PCDHGA6: variants seen among roughly 807,000 people sequenced by gnomAD.
PCDHGA6 encodes the protein protocadherin gamma-A6.
In PCDHGA6, 41 loss-of-function variants were observed where a neutral mutation model predicts 60.6. That is an observed-to-expected ratio of 0.68 (90% CI 0.53 to 0.88). The LOEUF (loss-of-function observed/expected upper bound fraction) is 0.88, where lower values mean the gene tolerates loss of function less well. PCDHGA6 is among the 40% of genes least tolerant of loss of function. The pLI, the probability that PCDHGA6 is intolerant of heterozygous loss-of-function variation, is 0.00. For synonymous variants in PCDHGA6, 594 were observed against 524.4 expected (o/e 1.13, Z -1.81); for missense variants, 1,312 against 1,203.0 (o/e 1.09, Z -1.34).
chr5:141,394,557 G>A (rs372165481), intron 1 of PCDHGA6: 23 of 1,613,964 alleles, frequency 1.4e-5, no homozygotes, highest in South Asian at 4.4e-5. Context: ...GCCCCGCTCC[G>A]CAGAGCGTGG....
intron 1 of PCDHGA6, chr5:141,418,790 G>A (rs1434374059): frequency 2.5e-6 from 4 of 1,613,758 alleles, no homozygotes; most frequent in Admixed American, 3.3e-5. Flanking sequence ...GGATTTTGAA[G>A]AAGTAGAAAG....
chr5:141,508,269 C>T (rs1459186158), intron 3 of PCDHGA6: 1 of 152,186 alleles, frequency 6.6e-6, no homozygotes, highest in East Asian at 1.9e-4. Flanking sequence ...GAGAAAATCC[C>T]GGTCCTTGAC....
At chr5:141,443,547 T>C (rs1210940890) in intron 1 of PCDHGA6, among the ~76,000 whole-genome samples, 2 of 152,192 alleles carry the variant, frequency 1.3e-5, no homozygotes, top group Non-Finnish European at 2.9e-5. Context: ...TGGGAAATTG[T>C]TCCAATTCAA....
chr5:141,432,126 C>T lies in PCDHGA6; in HGVS notation c.2424+55619C>T. ...AACCCGCCGGTCTTCCCTCAGGCCTCCTATTCCGCTTATATCCCAGAGAAC... is the reference window on the plus strand; with the variant it reads ...AACCCGCCGGTCTTCCCTCAGGCCTTCTATTCCGCTTATATCCCAGAGAAC... On this transcript the variant is annotated intron_variant, in intron 1 of 3. Coordinates refer to ENST00000517434, the MANE Select transcript of PCDHGA6 (RefSeq NM_018919.3). This position sits in a 1 kb window ranked among gnomAD's most constrained non-coding sequence, Gnocchi z 6.0. The T allele has an allele frequency of 1.2e-6, 2 of 1,614,144 alleles. No homozygotes were observed. Among genetic ancestry groups the T allele is most frequent in the Non-Finnish European group, 1.7e-6 (2 of 1,180,028 alleles).
intron 1 of PCDHGA6, among the ~76,000 whole-genome samples, chr5:141,471,883 C>T (rs951573411): frequency 6.6e-6 from 1 of 152,084 alleles, no homozygotes; most frequent in Non-Finnish European, 1.5e-5. Flanking sequence ...GAGGCTGAAG[C>T]TAGGAAGATT....
At chr5:141,402,398 ATTG>A (rs1159125909) in intron 1 of PCDHGA6, among the ~76,000 whole-genome samples, 19 of 152,216 alleles carry the variant, frequency 1.2e-4, no homozygotes, top group African/African-American at 4.6e-4. Context: ...ACTTCAGAAA[ATTG>A]TTAAGATACA....
At chr5:141,502,891 C>G (rs2099816930) in intron 2 of PCDHGA6, among the ~76,000 whole-genome samples, 1 of 117,990 alleles carries the variant, frequency 8.5e-6, no homozygotes, top group African/African-American at 3.4e-5. Context: ...GACAGGGAGT[C>G]TAGCTCTGTT....
At chr5:141,383,695 G>A (rs373055594) in intron 1 of PCDHGA6, 5 of 1,613,974 alleles carry the variant, frequency 3.1e-6, no homozygotes, top group Non-Finnish European at 3.4e-6. Flanking sequence ...CACGGTACAT[G>A]CTATCGACCT....
intron 1 of PCDHGA6, chr5:141,398,647 C>T: frequency 6.2e-7 from 1 of 1,614,070 alleles, no homozygotes; most frequent in Non-Finnish European, 8.5e-7. Context: ...TAAACTCTCT[C>T]TTAACCCAAG....
intron 1 of PCDHGA6, chr5:141,398,743 A>G: frequency 6.2e-7 from 1 of 1,613,864 alleles, no homozygotes; most frequent in Non-Finnish European, 8.5e-7. Flanking sequence ...GGAACAACAG[A>G]GTTACCATCG....
At chr5:141,442,294 C>A (rs1194203452) in intron 1 of PCDHGA6, 1 of 152,584 alleles carries the variant, frequency 6.6e-6, no homozygotes, top group Admixed American at 6.5e-5. Context: ...ATGATCCTGT[C>A]TGAGTCTTTC....
intron 1 of PCDHGA6, chr5:141,423,851 C>A (rs1311833319): frequency 2.4e-6 from 3 of 1,275,940 alleles, no homozygotes; most frequent in East Asian, 3.1e-5. Context: ...TCTTTCAGAA[C>A]GTTTTTGTGA....
rs558609501 is a variant in PCDHGA6, at chr5:141,487,648, G to C, written c.2425-7159G>C. On this transcript the variant is annotated intron_variant, in intron 1 of 3. Coordinates refer to ENST00000517434, the MANE Select transcript of PCDHGA6 (RefSeq NM_018919.3). This position sits in a 1 kb window ranked among gnomAD's most constrained non-coding sequence, Gnocchi z 5.0. ...CTTTGCAGGCTCAACAAATGCTTGA[G>C]GGTTATTCTGATCCAGGCATATGGC... is the stretch of plus-strand genomic sequence containing the variant. 34 of 1,613,904 alleles carry C rather than the reference G, an allele frequency of 2.1e-5. 1 individual carries two copies. The South Asian group carries it at 3.6e-4, about 17-fold the overall frequency.
intron 1 of PCDHGA6, chr5:141,388,173 G>A (rs2091270272): frequency 1.3e-6 from 2 of 1,502,222 alleles, no homozygotes; most frequent in South Asian, 2.3e-5. Flanking sequence ...GGAGATATGC[G>A]GGAAGAAGCC....
intron 1 of PCDHGA6, chr5:141,418,575 C>T (rs2154547779): frequency 6.2e-7 from 1 of 1,614,018 alleles, no homozygotes; most frequent in East Asian, 2.2e-5. Context: ...AATGACAACC[C>T]CCCAGTGTTC....
At position 141,491,971 on chromosome 5, in the gene PCDHGA6, T is replaced by C. The variant is rs62379205; in HGVS notation, c.2425-2836T>C. ...CCTACACTCAAAAAAGGCCGGGGCC[T>C]CCTTCGAGCTTCCGGTGAATTTCGG... is the stretch of plus-strand genomic sequence containing the variant. On this transcript the variant is annotated intron_variant, in intron 1 of 3. Coordinates refer to ENST00000517434, the MANE Select transcript of PCDHGA6 (RefSeq NM_018919.3). This position sits in a 1 kb window ranked among gnomAD's most constrained non-coding sequence, Gnocchi z 6.9. The C allele has an allele frequency of 0.2, 165,735 of 830,872 alleles. 17,637 individuals are homozygous for C. Among genetic ancestry groups the C allele is most frequent in the Admixed American group, 0.32 (8,466 of 26,688 alleles). 51.5% of individuals were successfully genotyped at this position (830,872 alleles called of 1,614,324 possible).
At chr5:141,502,404 C>A (rs1270930372) in intron 2 of PCDHGA6, among the ~76,000 whole-genome samples, 1 of 151,880 alleles carries the variant, frequency 6.6e-6, no homozygotes, top group Non-Finnish European at 1.5e-5. Flanking sequence ...TGTCCCCGAA[C>A]CTGGATTTGC....
chr5:141,490,243 G>A lies in PCDHGA6; in HGVS notation c.2425-4564G>A, dbSNP rs1431165990. 1 of 1,614,238 alleles carries A rather than the reference G, an allele frequency of 6.2e-7. No individual in the cohort carries two copies. The highest frequency in any genetic ancestry group is 8.5e-7 in the Non-Finnish European group (1 of 1,180,038). The stretch of plus-strand genomic sequence containing the variant: ...ACAGCCTGCCATGGAGGGCCACTGT[G>A]TGATTCAAGTGGATGTGGGGGATGT... On this transcript the variant is annotated intron_variant, in intron 1 of 3. Coordinates refer to ENST00000517434, the MANE Select transcript of PCDHGA6 (RefSeq NM_018919.3). This position sits in a 1 kb window ranked among gnomAD's most constrained non-coding sequence, Gnocchi z 5.4.
chr5:141,390,723 A>G (rs2092214355), intron 1 of PCDHGA6: 1 of 196,804 alleles, frequency 5.1e-6, no homozygotes, highest in Non-Finnish European at 1.0e-5. Context: ...TAACTAATTT[A>G]ACTGGTATGG....
Sources: allele counts gnomAD v4.1 joint callset (sites outside exome capture counted in the v4.1 genomes callset), GRCh38; gene constraint gnomAD v4.1.1; non-coding constraint Gnocchi (gnomAD v3.1); transcripts MANE v1.5; gene names NCBI Gene and HGNC (gene_info 2026-07-23, HGNC 2026-07-21).